ATP6V1B1: variants seen among roughly 807,000 people sequenced by gnomAD.
ATP6V1B1 encodes the protein ATPase H+ transporting V1 subunit B1, also known as V-type proton ATPase subunit B, kidney isoform.
In ATP6V1B1, 41 loss-of-function variants were observed where a neutral mutation model predicts 62.1. The observed-to-expected ratio is 0.66, with a 90% confidence interval of 0.51 to 0.86. The LOEUF (loss-of-function observed/expected upper bound fraction) is 0.86, where lower values mean the gene tolerates loss of function less well. Ranked by LOEUF, ATP6V1B1 falls within the 40% of genes least tolerant of loss-of-function variation. The pLI is 0.00. For synonymous variants in ATP6V1B1, 253 were observed against 273.4 expected (o/e 0.93, Z 0.74); for missense variants, 651 against 697.5 (o/e 0.93, Z 0.75).
intron 1 of ATP6V1B1, among the ~76,000 whole-genome samples, chr2:70,938,091 A>G (rs1275084746): frequency 1.3e-5 from 2 of 152,068 alleles, no homozygotes; most frequent in Admixed American, 6.5e-5. Flanking sequence ...TTTGCTGCCT[A>G]TCAAGTATCC....
In ATP6V1B1 at chr2:70,965,157, A is replaced by C. The variant is rs1253604194; in HGVS notation, c.*36A>C. ...CGTGGCACCCCAACACCGGCAGGGAACCTACCCTCGGCTCCCGGGTCTCCC... is the reference window on the plus strand; with the variant it reads ...CGTGGCACCCCAACACCGGCAGGGACCCTACCCTCGGCTCCCGGGTCTCCC... On this transcript the variant is annotated 3_prime_UTR_variant, in exon 14 of 14. Transcript: ENST00000234396. The C allele has an allele frequency of 6.2e-7, 1 of 1,600,092 alleles. No individual in the cohort carries two copies. Among genetic ancestry groups the C allele is most frequent in the Non-Finnish European group, 8.5e-7 (1 of 1,179,054 alleles).
rs902221189 is a variant in ATP6V1B1, at chr2:70,963,669, C to T, written c.1143+15C>T. Reference sequence around the variant, plus strand: ...ACAACAGACAGGTACTGCCCTGTCCCTACCCACTTCCTGCTCTCAGCCCAG... The same window carrying T: ...ACAACAGACAGGTACTGCCCTGTCCTTACCCACTTCCTGCTCTCAGCCCAG... On this transcript the variant is annotated intron_variant, in intron 11 of 13. Transcript: ENST00000234396. This position sits in a 1 kb window ranked among gnomAD's most constrained non-coding sequence, Gnocchi z 4.3. 1.4e-5 allele frequency: 22 copies of T among 1,608,702 alleles called. No individual in the cohort carries two copies. The East Asian group carries it at 4.9e-4, about 36-fold the overall frequency.
Position 70,965,039 on chromosome 2 carries a change from A to G in ATP6V1B1, c.1460A>G (p.Lys487Arg). Residue 487 changes from lysine to arginine, a missense_variant, in exon 14 of 14, where the codon AAG becomes AGG. Lys to Arg is a conservative substitution (Grantham distance 26). Coordinates refer to ENST00000234396, the MANE Select transcript of ATP6V1B1 (RefSeq NM_001692.4). ...CGCATCTTCCCCAAGGAGATGCTGA[A>G]GCGCATTCCGCAGGCCGTGATCGAC... ...LLRIFPKEML[K>R]RIPQAVIDEF... 2 of 1,613,620 alleles carry G rather than the reference A, an allele frequency of 1.2e-6. No individual in the cohort carries two copies. The highest frequency in any genetic ancestry group is 2.2e-5 in the South Asian group (2 of 91,088).
In ATP6V1B1 at chr2:70,944,011, G is replaced by A. The variant is rs1680083282; in HGVS notation, c.174+298G>A. On this transcript the variant is annotated intron_variant, in intron 2 of 13. Coordinates refer to ENST00000234396, the MANE Select transcript of ATP6V1B1 (RefSeq NM_001692.4). Reference sequence around the variant, plus strand: ...CTGTCCTGCCTCCGTTTCCCTATCAGTGGCATGGACGTACCTAACCTCCTC... The same window carrying A: ...CTGTCCTGCCTCCGTTTCCCTATCAATGGCATGGACGTACCTAACCTCCTC... 16 of 985,368 alleles carry A rather than the reference G, an allele frequency of 1.6e-5. No individual in the cohort carries two copies. In the South Asian group the frequency reaches 5.6e-4, roughly 35 times the overall value. The allele number at this position is 985,368 out of a possible 1,614,324, so 61.0% of individuals were successfully genotyped here.
Position 70,961,018 on chromosome 2 carries a change from TG to T in ATP6V1B1, c.687+1del. 1 of 1,581,308 alleles carries T rather than the reference TG, an allele frequency of 6.3e-7. No individual in the cohort carries two copies. Among genetic ancestry groups the T allele is most frequent in the Non-Finnish European group, 8.6e-7 (1 of 1,163,270 alleles). ...DDNFAIVFAAMGVNMETARFF... is the reference protein window; with the variant it reads ...DDNFAIVFAAXGVNMETARFF... ...AACTTCGCCATCGTCTTTGCAGCCA[TG>T]GGGGTGAGGAGACTTAGTAGACTGG... On this transcript the variant is annotated frameshift_variant, in exon 7 of 14. Coordinates refer to ENST00000234396, the MANE Select transcript of ATP6V1B1 (RefSeq NM_001692.4). LOFTEE classifies it high-confidence loss of function.
rs1223209748 is a variant in ATP6V1B1, at chr2:70,959,353, A to G, written c.445+258A>G. Among the ~76,000 whole-genome samples the G allele has an allele frequency of 3.9e-5, 6 of 152,144 alleles. No individual in the cohort carries two copies. Among genetic ancestry groups the G allele is most frequent in the African/African-American group, 1.4e-4 (6 of 41,430 alleles). ...TGCCCCTGCCTTTGGCTTCCTGTCC[A>G]CAATCCTGAGAATGGGCTGCGGTGC... On this transcript the variant is annotated intron_variant, in intron 5 of 13. Transcript: ENST00000234396. This position sits in a 1 kb window ranked among gnomAD's most constrained non-coding sequence, Gnocchi z 4.2.
intron 6 of ATP6V1B1, among the ~76,000 whole-genome samples, chr2:70,960,558 T>C (rs1680561283): frequency 6.6e-6 from 1 of 152,170 alleles, no homozygotes; most frequent in South Asian, 2.1e-4. Context: ...TTCCCAGCTC[T>C]GGACATGGTG....
In ATP6V1B1 at chr2:70,959,832, CA is replaced by C. The variant is rs151116617; in HGVS notation, c.446-106del. The C allele has an allele frequency of 1.7e-3, 2,609 of 1,569,318 alleles. 91 individuals carry two copies. In the East Asian group the frequency reaches 0.056, roughly 34 times the overall value. ...CGGCCAGAGCACGTTTCTATCATCA[CA>C]GAAAGTTCCGTCAAACAGGGCGGCT... On this transcript the variant is annotated intron_variant, in intron 5 of 13. Coordinates refer to ENST00000234396, the MANE Select transcript of ATP6V1B1 (RefSeq NM_001692.4). The surrounding 1 kb of genome is among the most constrained non-coding windows in gnomAD (Gnocchi z 4.2).
At chr2:70,955,873 A>T (rs1337854212) in intron 2 of ATP6V1B1, 1 of 154,280 alleles carries the variant, frequency 6.5e-6, no homozygotes, top group Non-Finnish European at 1.5e-5. Flanking sequence ...GAAAAGAGTT[A>T]ACAGTTTATT....
rs542448036 is a variant in ATP6V1B1, at chr2:70,959,885, G to A, written c.446-54G>A. On this transcript the variant is annotated intron_variant, in intron 5 of 13. Transcript: ENST00000234396. This position sits in a 1 kb window ranked among gnomAD's most constrained non-coding sequence, Gnocchi z 4.2. ...TGGAGTCTGGGGTCAGTGTCGAGGAGAGCAGGGAAGGGTTTGAACCCCTGA... is the reference window on the plus strand; with the variant it reads ...TGGAGTCTGGGGTCAGTGTCGAGGAAAGCAGGGAAGGGTTTGAACCCCTGA... The A allele has an allele frequency of 8.1e-6, 13 of 1,613,678 alleles. No individual in the cohort carries two copies. Among genetic ancestry groups the A allele is most frequent in the Non-Finnish European group, 1.1e-5 (13 of 1,179,966 alleles).
At chr2:70,952,555 A>G (rs1341472114) in intron 2 of ATP6V1B1, among the ~76,000 whole-genome samples, 9 of 151,944 alleles carry the variant, frequency 5.9e-5, no homozygotes, top group Admixed American at 3.3e-4. Context: ...TTCTTTTTTA[A>G]TCTATGTTGA....
intron 2 of ATP6V1B1, among the ~76,000 whole-genome samples, chr2:70,954,171 G>A (rs1680381061): frequency 6.6e-6 from 1 of 151,920 alleles, no homozygotes; most frequent in Non-Finnish European, 1.5e-5. Flanking sequence ...TTTTAATGCT[G>A]TTCTTTTTTC....
Position 70,959,807 on chromosome 2 carries a change from C to G in ATP6V1B1, c.446-132C>G. ...GTATCTAGGGCTACATCAGGCAGCA[C>G]GGCCAGAGCACGTTTCTATCATCAC... On this transcript the variant is annotated intron_variant, in intron 5 of 13. Transcript: ENST00000234396. The surrounding 1 kb of genome is among the most constrained non-coding windows in gnomAD (Gnocchi z 4.2). 5.2e-6 allele frequency: 7 copies of G among 1,357,728 alleles called. No individual in the cohort carries two copies. In the South Asian group the frequency reaches 7.4e-5, roughly 14 times the overall value. The allele number at this position is 1,357,728 out of a possible 1,614,324, so 84.1% of individuals were successfully genotyped here. A position where few individuals can be genotyped will look rare whatever the true frequency, so the allele number is the denominator to read the frequency against.
chr2:70,945,699 GAGATATATATATATATATATAT>G (rs1367585652), intron 2 of ATP6V1B1, among the ~76,000 whole-genome samples: 1,027 of 70,110 alleles, frequency 0.015, 55 homozygotes, highest in African/African-American at 0.047. Context: ...GCTATTTGAA[GAGATATATATATATATATATAT>G]ATATATATAT....
At chr2:70,949,140 A>G (rs967913878) in intron 2 of ATP6V1B1, among the ~76,000 whole-genome samples, 5 of 152,208 alleles carry the variant, frequency 3.3e-5, no homozygotes, top group Non-Finnish European at 7.3e-5. Context: ...CTCAGCCCCG[A>G]AAGACCCTGC....
At chr2:70,941,643 T>A in intron 1 of ATP6V1B1, 2 of 892,572 alleles carry the variant, frequency 2.2e-6, no homozygotes, top group Non-Finnish European at 2.7e-6. Context: ...ACATTTTCAT[T>A]TGTCACTTTC....
chr2:70,946,541 G>A (rs1680179305), intron 2 of ATP6V1B1, among the ~76,000 whole-genome samples: 1 of 152,206 alleles, frequency 6.6e-6, no homozygotes, highest in Non-Finnish European at 1.5e-5. Flanking sequence ...GTGAACTGAT[G>A]CTCAAGTTAG....
chr2:70,961,123 T>C, intron 7 of ATP6V1B1, 101 bp downstream of exon 7: 1 of 1,265,174 alleles, frequency 7.9e-7, no homozygotes, highest in Non-Finnish European at 1.1e-6. Context: ...AAGCCATCAG[T>C]GTCCCGGCCA....
intron 2 of ATP6V1B1, among the ~76,000 whole-genome samples, chr2:70,954,059 T>C (rs1428162284): frequency 6.6e-6 from 1 of 152,208 alleles, no homozygotes; most frequent in Non-Finnish European, 1.5e-5. Flanking sequence ...TCTACTTTAT[T>C]CAGCTTTTCA....
Sources: allele counts gnomAD v4.1 joint callset (sites outside exome capture counted in the v4.1 genomes callset), GRCh38; gene constraint gnomAD v4.1.1; non-coding constraint Gnocchi (gnomAD v3.1); transcripts MANE v1.5; gene names NCBI Gene and HGNC (gene_info 2026-07-23, HGNC 2026-07-21).